ELOVL6: variants seen among roughly 807,000 people sequenced by gnomAD.
ELOVL6 encodes the protein very long chain fatty acid elongase 6.
ELOVL6 carries 8 observed loss-of-function variants against 31.7 expected under a neutral mutation model. That is an observed-to-expected ratio of 0.25 (90% CI 0.15 to 0.45). ELOVL6 has a LOEUF of 0.45. ELOVL6 is among the 20% of genes least tolerant of loss of function. ELOVL6 has a pLI of 1.00. For synonymous variants in ELOVL6, 101 were observed against 117.7 expected, an observed-to-expected ratio of 0.86 and a Z score of 0.92; for missense variants, 126 against 326.4, an observed-to-expected ratio of 0.39 and a Z score of 4.73.
intron 1 of ELOVL6, among the ~76,000 whole-genome samples, chr4:110,178,355 G>A (rs927430228): frequency 2.6e-5 from 4 of 152,222 alleles, no homozygotes; most frequent in Admixed American, 1.3e-4. Context: ...AGACCAGCCT[G>A]TCCAATATGG....
intron 2 of ELOVL6, among the ~76,000 whole-genome samples, chr4:110,092,781 T>C (rs1756460742): frequency 6.6e-6 from 1 of 151,576 alleles, no homozygotes; most frequent in Non-Finnish European, 1.5e-5. Context: ...AGGATTCAAT[T>C]TTTAGTTCGA....
intron 2 of ELOVL6, among the ~76,000 whole-genome samples, chr4:110,070,860 G>A (rs1309234271): frequency 6.6e-6 from 1 of 151,876 alleles, no homozygotes; most frequent in Non-Finnish European, 1.5e-5. Context: ...CTGCGGAACT[G>A]TTGAGTCAAT....
intron 1 of ELOVL6, among the ~76,000 whole-genome samples, chr4:110,191,159 A>G (rs1021818033): frequency 6.6e-6 from 1 of 152,208 alleles, no homozygotes; most frequent in Non-Finnish European, 1.5e-5. Flanking sequence ...TATCTCTAAA[A>G]TAAATTATTG....
chr4:110,121,966 T>C (rs965903162), intron 1 of ELOVL6, among the ~76,000 whole-genome samples: 2 of 152,228 alleles, frequency 1.3e-5, no homozygotes, highest in African/African-American at 2.4e-5. Flanking sequence ...TTCCATCTAG[T>C]GTTTGCCTAC....
intron 1 of ELOVL6, among the ~76,000 whole-genome samples, chr4:110,171,370 T>A (rs1758937242): frequency 6.6e-6 from 1 of 151,678 alleles, no homozygotes; most frequent in Non-Finnish European, 1.5e-5. Flanking sequence ...GATCGCGCCA[T>A]TGCACTCCAG....
At chr4:110,054,091 G>A (rs1309666572) in intron 3 of ELOVL6, among the ~76,000 whole-genome samples, 1 of 152,180 alleles carries the variant, frequency 6.6e-6, no homozygotes. Flanking sequence ...AACAGGGCAA[G>A]ACTCCATCTC....
At chr4:110,079,785 A>T (rs1007270691) in intron 2 of ELOVL6, among the ~76,000 whole-genome samples, 6 of 152,198 alleles carry the variant, frequency 3.9e-5, no homozygotes, top group Non-Finnish European at 7.3e-5. Flanking sequence ...CTTCAAAAAA[A>T]ATCAATGAAT....
At chr4:110,171,623 T>A (rs1758948263) in intron 1 of ELOVL6, among the ~76,000 whole-genome samples, 1 of 150,110 alleles carries the variant, frequency 6.7e-6, no homozygotes, top group Non-Finnish European at 1.5e-5. Context: ...AGCTCCAAGC[T>A]CTTCTCCCAT....
chr4:110,058,787 C>T (rs1285325493), intron 3 of ELOVL6, among the ~76,000 whole-genome samples: 2 of 151,998 alleles, frequency 1.3e-5, no homozygotes, highest in African/African-American at 2.4e-5. Flanking sequence ...GAAAAAAAAC[C>T]CAGAACCCCA....
intron 1 of ELOVL6, among the ~76,000 whole-genome samples, chr4:110,178,195 T>C (rs1009467759): frequency 3.9e-5 from 6 of 152,300 alleles, no homozygotes; most frequent in Admixed American, 2.6e-4. Context: ...ATTCTATATA[T>C]TTCTTAAAAG....
At chr4:110,158,657 A>ATATATTTTTT in intron 1 of ELOVL6, among the ~76,000 whole-genome samples, 45 of 74,160 alleles carry the variant, frequency 6.1e-4, no homozygotes, top group African/African-American at 3.3e-3. Context: ...ATATATATAT[A>ATATATTTTTT]TTTTTTTTTT....
intron 1 of ELOVL6, among the ~76,000 whole-genome samples, chr4:110,183,869 C>G (rs1423062499): frequency 1.3e-5 from 2 of 152,100 alleles, no homozygotes; most frequent in Non-Finnish European, 2.9e-5. Flanking sequence ...GTGGTCCCAG[C>G]TATTTGGAAG....
At chr4:110,126,711 C>T (rs1757508085) in intron 1 of ELOVL6, among the ~76,000 whole-genome samples, 1 of 152,150 alleles carries the variant, frequency 6.6e-6, no homozygotes, top group Non-Finnish European at 1.5e-5. Flanking sequence ...AGACAGATTT[C>T]CTCCTCCCAG....
chr4:110,162,709 C>G (rs958601684), intron 1 of ELOVL6, among the ~76,000 whole-genome samples: 2 of 152,094 alleles, frequency 1.3e-5, no homozygotes, highest in Non-Finnish European at 2.9e-5. Flanking sequence ...TTTCCTCCTG[C>G]CTCCCTACAG....
intron 1 of ELOVL6, among the ~76,000 whole-genome samples, chr4:110,147,414 A>G (rs139734464): frequency 1.1e-3 from 170 of 152,270 alleles, no homozygotes; most frequent in African/African-American, 3.6e-3. Context: ...ACAGGCAACA[A>G]AAACAAATAT....
intron 1 of ELOVL6, among the ~76,000 whole-genome samples, chr4:110,152,194 T>C (rs1340583212): frequency 6.6e-6 from 1 of 152,170 alleles, no homozygotes; most frequent in Non-Finnish European, 1.5e-5. Context: ...TATAATAAAG[T>C]TTCCTTAAAG....
At chr4:110,061,349 G>A (rs1294511847) in intron 2 of ELOVL6, among the ~76,000 whole-genome samples, 1 of 151,962 alleles carries the variant, frequency 6.6e-6, no homozygotes, top group African/African-American at 2.4e-5. Context: ...TTTCTCCCCT[G>A]TTCATAACAA....
chr4:110,059,820 A>T, intron 2 of ELOVL6, 66 bp from the exon 3 acceptor site: 2 of 1,435,330 alleles, frequency 1.4e-6, no homozygotes, highest in Non-Finnish European at 1.9e-6. Flanking sequence ...CATCAACCAT[A>T]CTTAGAAGAC....
intron 2 of ELOVL6, among the ~76,000 whole-genome samples, chr4:110,071,595 G>T (rs1019956553): frequency 6.6e-6 from 1 of 152,032 alleles, no homozygotes; most frequent in South Asian, 2.1e-4. Context: ...GAACCAGCAG[G>T]GGGGATTCCT....
Sources: gnomAD v4.1 joint callset for allele counts (sites outside exome capture counted in the v4.1 genomes callset) on GRCh38, gnomAD v4.1.1 for gene constraint, MANE v1.5 for transcripts, NCBI Gene and HGNC (gene_info 2026-07-23, HGNC 2026-07-21) for gene names.